KIR2DL1: variants seen among roughly 807,000 people sequenced by gnomAD.
KIR2DL1 encodes killer cell immunoglobulin-like receptor 2DL1.
Under a neutral mutation model 33.9 loss-of-function variants are expected in KIR2DL1, and 38 were observed. The observed-to-expected ratio is 1.12, with a 90% CI of 0.86 to 1.47. The LOEUF (loss-of-function observed/expected upper bound fraction) is 1.47. Ranked by LOEUF, KIR2DL1 falls within the 40% of genes most tolerant of loss-of-function variation. The pLI, the probability that KIR2DL1 is intolerant of heterozygous loss-of-function variation, is 0.00. For synonymous variants in KIR2DL1, 179 were observed against 165.9 expected (o/e 1.08, Z -0.61); for missense variants, 531 against 433.9 (o/e 1.22, Z -1.99).
At position 54,775,659 on chromosome 19, in the gene KIR2DL1, G is replaced by A. The variant is rs1360735694; in HGVS notation, c.664+201G>A. ...GCCTGCATGGAGGCCCACGGCCAGG[G>A]CTCCAGGCACCCAGGCAGATGGAGA... On this transcript the variant is annotated intron_variant, in intron 4 of 7. Transcript: ENST00000336077. Among the ~76,000 whole-genome samples, 25 of 148,728 alleles carry A rather than the reference G, an allele frequency of 1.7e-4. 2 individuals are homozygous for A. The East Asian group carries it at 2.3e-3, about 14-fold the overall frequency.
At chr19:54,773,722 G>A in intron 3 of KIR2DL1, 90 bp downstream of exon 3, 2 of 1,340,726 alleles carry the variant, frequency 1.5e-6, no homozygotes, top group Non-Finnish European at 2.1e-6. Flanking sequence ...TAAGGAAGAT[G>A]AGCTTGGTAT....
intron 5 of KIR2DL1, 49 bp from the exon 6 acceptor site, chr19:54,782,873 A>G: frequency 1.3e-6 from 2 of 1,583,226 alleles, no homozygotes; most frequent in African/African-American, 1.3e-5. Flanking sequence ...CAATTCATAA[A>G]GAGGAACTGC....
chr19:54,773,933 A>C (rs2076051233), intron 3 of KIR2DL1, among the ~76,000 whole-genome samples: 2 of 148,714 alleles, frequency 1.3e-5, no homozygotes. Context: ...CTTTGCTCAG[A>C]GACCTGGCAC....
rs771822176 is a variant in KIR2DL1, at chr19:54,783,553, G to A, written c.870+15G>A. On this transcript the variant is annotated intron_variant, in intron 7 of 7. Transcript: ENST00000336077. ...CGAATAGCGAGGTAGGTACTCCTCGGCCCGGGCTCGTGGCTACTGTTATTC... is the reference window on the plus strand; with the variant it reads ...CGAATAGCGAGGTAGGTACTCCTCGACCCGGGCTCGTGGCTACTGTTATTC... 2 of 1,613,756 alleles carry A rather than the reference G, an allele frequency of 1.2e-6. No individual in the cohort carries two copies. The highest frequency in any genetic ancestry group is 2.7e-5 in the African/African-American group (2 of 74,860).
intron 5 of KIR2DL1, among the ~76,000 whole-genome samples, chr19:54,781,246 A>G (rs1190204466): frequency 3.6e-5 from 5 of 138,760 alleles, no homozygotes; most frequent in East Asian, 2.0e-4. Flanking sequence ...CTGAATTCCA[A>G]TCATCGTTTT....
chr19:54,783,528 C>G lies in KIR2DL1; in HGVS notation c.860C>G (p.Ala287Gly), dbSNP rs199605812. ...MDQESAGNRT[A>G]NSEDSDEQDP... ...CAAGAGTCTGCAGGAAACAGAACAG[C>G]GAATAGCGAGGTAGGTACTCCTCGG... The change falls in exon 7 of 8, where the codon GCG becomes GGG. Residue 287 changes from alanine (A) to glycine (G), a missense_variant. By Grantham distance (60) the Ala-to-Gly change is moderately conservative. Coordinates refer to ENST00000336077, the MANE Select transcript of KIR2DL1 (RefSeq NM_014218.3). 1 of 1,613,352 alleles carries G rather than the reference C, an allele frequency of 6.2e-7. No individual in the cohort carries two copies. The highest frequency in any genetic ancestry group is 1.1e-5 in the South Asian group (1 of 91,016).
chr19:54,773,876 G>A (rs591640), intron 3 of KIR2DL1, among the ~76,000 whole-genome samples: 25,535 of 145,722 alleles, frequency 0.18, 693 homozygotes, highest in South Asian at 0.29. Context: ...AGTTAAAGGA[G>A]ACACACAGAC....
Position 54,783,754 on chromosome 19 carries a change from A to G in KIR2DL1, c.988A>G (p.Ile330Val), listed in dbSNP as rs1224415880. The change falls in exon 8 of 8, where the codon ATC (isoleucine) becomes GTC (valine). Residue 330 changes from isoleucine to valine, a missense_variant. Physicochemically the swap from Ile to Val is conservative, Grantham distance 29 (BLOSUM62 3). Transcript: ENST00000336077. ...QRPKTPPTDI[I>V]VYTELPNAES... ...GCCCAAGACACCCCCAACAGATATCATCGTGTACACGGAACTTCCAAATGC... is the reference window on the plus strand; with the variant it reads ...GCCCAAGACACCCCCAACAGATATCGTCGTGTACACGGAACTTCCAAATGC... 2.5e-6 allele frequency: 4 copies of G among 1,613,838 alleles called. No individual in the cohort carries two copies. In the Admixed American group the frequency reaches 6.7e-5, roughly 27 times the overall value.
intron 5 of KIR2DL1, among the ~76,000 whole-genome samples, chr19:54,782,568 G>A (rs1223174563): frequency 4.0e-3 from 602 of 151,894 alleles, no homozygotes; most frequent in African/African-American, 0.014. Context: ...ACTAATAGAG[G>A]GGGAACTTGC....
chr19:54,772,167 T>C (rs956534112), intron 2 of KIR2DL1, among the ~76,000 whole-genome samples: 1 of 144,548 alleles, frequency 6.9e-6, no homozygotes, highest in African/African-American at 2.5e-5. Flanking sequence ...GACCTTGAGA[T>C]GGGGAGACAG....
At chr19:54,782,654 G>T (rs1457946806) in intron 5 of KIR2DL1, among the ~76,000 whole-genome samples, 2 of 151,942 alleles carry the variant, frequency 1.3e-5, no homozygotes, top group African/African-American at 2.4e-5. Context: ...CTCTCAAGAG[G>T]CCCAACCTCC....
At chr19:54,782,333 T>C (rs1268731235) in intron 5 of KIR2DL1, among the ~76,000 whole-genome samples, 7 of 152,018 alleles carry the variant, frequency 4.6e-5, no homozygotes, top group Non-Finnish European at 8.8e-5. Context: ...CCTCGGTAAC[T>C]TCTAAAGAAA....
At chr19:54,775,126 G>A in intron 3 of KIR2DL1, 39 bp from the exon 4 acceptor site, 1 of 1,539,230 alleles carries the variant, frequency 6.5e-7, no homozygotes, top group Non-Finnish European at 8.8e-7. Context: ...CTGTGACAAA[G>A]AAGATCCTCC....
intron 1 of KIR2DL1, among the ~76,000 whole-genome samples, chr19:54,770,453 A>G (rs1238250474): frequency 1.4e-5 from 2 of 143,402 alleles, no homozygotes; most frequent in Non-Finnish European, 3.1e-5. Context: ...TGGAGAGGAT[A>G]TATGGGCCTG....
chr19:54,774,797 C>G (rs1189710901), intron 3 of KIR2DL1, among the ~76,000 whole-genome samples: 1 of 147,548 alleles, frequency 6.8e-6, no homozygotes, highest in East Asian at 1.9e-4. Context: ...TAGATAGGCA[C>G]CGAATAGATA....
chr19:54,783,025 T>C lies in KIR2DL1; in HGVS notation c.817+2T>C, dbSNP rs2077211921. On this transcript the variant is annotated splice_donor_variant, in intron 6 of 7. Coordinates refer to ENST00000336077, the MANE Select transcript of KIR2DL1 (RefSeq NM_014218.3). LOFTEE classifies it high-confidence loss of function. ...ATCGCTGGTGCTCCAACAAAAAAAG[T>C]AAGTCTCACGAAGCAGAGGCCAGAG... The C allele has an allele frequency of 1.9e-6, 3 of 1,612,872 alleles. No individual in the cohort carries two copies. The highest frequency in any genetic ancestry group is 2.5e-6 in the Non-Finnish European group (3 of 1,179,430).
Position 54,770,806 on chromosome 19 carries a change from G to T in KIR2DL1, c.35-43G>T. On this transcript the variant is annotated intron_variant, in intron 1 of 7. Coordinates refer to ENST00000336077, the MANE Select transcript of KIR2DL1 (RefSeq NM_014218.3). ...CAGTGGGGGCAGCAAGGGTGCCCTG[G>T]TTTGCCTGCAGATGGGTCATCCATC... 5.1e-6 allele frequency: 8 copies of T among 1,581,050 alleles called. 2 individuals are homozygous for T. The highest frequency in any genetic ancestry group is 6.9e-6 in the Non-Finnish European group (8 of 1,153,716).
Position 54,782,953 on chromosome 19 carries a change from G to A in KIR2DL1, c.747G>A (p.Gly249=). The A allele has an allele frequency of 2.5e-6, 4 of 1,613,664 alleles. No individual in the cohort carries two copies. The highest frequency in any genetic ancestry group is 2.2e-5 in the South Asian group (2 of 91,054). Residue 249 remains glycine, a synonymous_variant, in exon 6 of 8, where the codon GGG becomes GGA. Coordinates refer to ENST00000336077, the MANE Select transcript of KIR2DL1 (RefSeq NM_014218.3). ...CCCGACACCTGCACATTCTGATTGG[G>A]ACCTCAGTGGTCATCATCCTCTTCA... is the stretch of plus-strand genomic sequence containing the variant. The part of the protein sequence containing the change: ...GNPRHLHILI[G]TSVVIILFIL...
chr19:54,778,981 G>T (rs2076666204), intron 5 of KIR2DL1, among the ~76,000 whole-genome samples: 1 of 146,936 alleles, frequency 6.8e-6, no homozygotes, highest in South Asian at 2.2e-4. Flanking sequence ...GGAGACTTGA[G>T]AGAGGGAAGG....
Sources: allele counts gnomAD v4.1 joint callset (sites outside exome capture counted in the v4.1 genomes callset), GRCh38; gene constraint gnomAD v4.1.1; transcripts MANE v1.5; gene names NCBI Gene and HGNC (gene_info 2026-07-23, HGNC 2026-07-21).